SMYD3: variants seen among roughly 807,000 people sequenced by gnomAD.
SMYD3 encodes SET and MYND domain containing 3.
Under a neutral mutation model 57.7 loss-of-function variants are expected in SMYD3, and 36 were observed. The ratio of observed to expected loss-of-function variants is 0.62; its 90% CI spans 0.48 to 0.82. SMYD3 has a LOEUF of 0.82. SMYD3 is among the 40% of genes least tolerant of loss of function. SMYD3 has a pLI of 0.00. For missense variants in SMYD3, 515 were observed against 538.8 expected, an observed-to-expected ratio of 0.96 and a Z score of 0.44; for synonymous variants, 211 against 195.0, an observed-to-expected ratio of 1.08 and a Z score of -0.68.
At chr1:246,424,744 A>G (rs1161912199) in intron 1 of SMYD3, among the ~76,000 whole-genome samples, 1 of 152,224 alleles carries the variant, frequency 6.6e-6, no homozygotes, top group Non-Finnish European at 1.5e-5. Context: ...GACATCGCCA[A>G]ATAAAAATAG....
intron 5 of SMYD3, among the ~76,000 whole-genome samples, chr1:246,039,184 C>T (rs764349946): frequency 1.3e-5 from 2 of 152,136 alleles, no homozygotes; most frequent in Non-Finnish European, 2.9e-5. Context: ...TGTGTAATAA[C>T]AATTTAAAAT....
chr1:246,106,243 G>A (rs942895880), intron 5 of SMYD3, among the ~76,000 whole-genome samples: 41 of 152,170 alleles, frequency 2.7e-4, no homozygotes. Flanking sequence ...CTTTGCAACA[G>A]GAGAATCCTC....
At chr1:245,995,600 CAG>C (rs1384458842) in intron 5 of SMYD3, among the ~76,000 whole-genome samples, 3 of 152,200 alleles carry the variant, frequency 2.0e-5, no homozygotes, top group Non-Finnish European at 4.4e-5. Flanking sequence ...CTCAGTGCCT[CAG>C]GGGAGGCATG....
chr1:245,960,687 A>G (rs1363417430), intron 5 of SMYD3, among the ~76,000 whole-genome samples: 4 of 152,074 alleles, frequency 2.6e-5, no homozygotes, highest in Non-Finnish European at 5.9e-5. Context: ...AGACCATGCC[A>G]CTGCACTCCA....
chr1:246,256,791 G>A (rs1309083308), intron 5 of SMYD3, among the ~76,000 whole-genome samples: 2 of 151,994 alleles, frequency 1.3e-5, no homozygotes, highest in Non-Finnish European at 2.9e-5. Flanking sequence ...CTAACTTCCT[G>A]CGGTAGGTAT....
Position 246,402,373 on chromosome 1 carries a change from C to T in SMYD3, c.165-47279G>A, listed in dbSNP as rs1434741586. On this transcript the variant is annotated intron_variant, in intron 1 of 11. Coordinates refer to ENST00000490107, the MANE Select transcript of SMYD3 (RefSeq NM_001167740.2). ...CTCGATCAGCTAAAATGATTAACAA[C>T]GCCATCTTAAAGATGATCCCATATC... Among the ~76,000 whole-genome samples the T allele has an allele frequency of 2.0e-5, 3 of 151,468 alleles. 1 individual carries two copies. The highest frequency in any genetic ancestry group is 7.3e-5 in the African/African-American group (3 of 41,378).
chr1:245,939,956 G>C (rs747676353), intron 5 of SMYD3, among the ~76,000 whole-genome samples: 1 of 152,186 alleles, frequency 6.6e-6, no homozygotes, highest in African/African-American at 2.4e-5. Flanking sequence ...GGCTCCAGTC[G>C]GTGCCGGGGA....
intron 1 of SMYD3, among the ~76,000 whole-genome samples, chr1:246,475,488 C>CA (rs971320565): frequency 1.3e-4 from 19 of 150,328 alleles, no homozygotes; most frequent in African/African-American, 3.2e-4. Context: ...ACTAAAAATA[C>CA]AAAAAAAAAT....
chr1:245,940,927 T>C (rs558611336), intron 5 of SMYD3, among the ~76,000 whole-genome samples: 24 of 152,186 alleles, frequency 1.6e-4, no homozygotes, highest in Middle Eastern at 3.4e-3. Context: ...TGATAAAACA[T>C]TACAGGAGCT....
At chr1:246,079,168 T>C (rs1239103734) in intron 5 of SMYD3, among the ~76,000 whole-genome samples, 1 of 152,186 alleles carries the variant, frequency 6.6e-6, no homozygotes, top group Admixed American at 6.5e-5. Context: ...ATTTTGGAAC[T>C]AGATGGCACA....
At position 246,396,080 on chromosome 1, in the gene SMYD3, T is replaced by C. The variant is rs77159942; in HGVS notation, c.165-40986A>G. On this transcript the variant is annotated intron_variant, in intron 1 of 11. Transcript: ENST00000490107. ...ACTTGGTCAAGAGCCTTTATGAGAG[T>C]GAGGGTCACTATATCTCATCATGTA... is the stretch of plus-strand genomic sequence containing the variant. Among the ~76,000 whole-genome samples the C allele has an allele frequency of 8.4e-3, 1,279 of 151,914 alleles. 20 individuals are homozygous for C. Among genetic ancestry groups the C allele is most frequent in the African/African-American group, 0.029 (1,194 of 41,404 alleles).
intron 5 of SMYD3, among the ~76,000 whole-genome samples, chr1:246,205,601 C>T (rs1319585163): frequency 6.6e-6 from 1 of 151,700 alleles, no homozygotes; most frequent in Non-Finnish European, 1.5e-5. Flanking sequence ...GCAGACAGAT[C>T]GTGAGGTCAG....
At chr1:245,753,433 G>C (rs1224336698) in intron 11 of SMYD3, among the ~76,000 whole-genome samples, 1 of 152,222 alleles carries the variant, frequency 6.6e-6, no homozygotes, top group Non-Finnish European at 1.5e-5. Context: ...GTGACTGTGT[G>C]TGCGGATGTG....
intron 7 of SMYD3, 77 bp from the exon 8 acceptor site, chr1:245,915,717 T>C: frequency 1.1e-6 from 1 of 933,252 alleles, no homozygotes; most frequent in Non-Finnish European, 1.6e-6. Flanking sequence ...TTATTATTGC[T>C]AATTATTGGA....
chr1:245,808,826 G>C (rs977824901), intron 10 of SMYD3, among the ~76,000 whole-genome samples: 4 of 151,950 alleles, frequency 2.6e-5, no homozygotes, highest in Non-Finnish European at 5.9e-5. Context: ...GCAATGGCAC[G>C]ATCTCAGCTC....
chr1:246,333,747 G>C (rs563894682), intron 3 of SMYD3, among the ~76,000 whole-genome samples: 1 of 151,984 alleles, frequency 6.6e-6, no homozygotes, highest in Admixed American at 6.6e-5. Flanking sequence ...CTAGCGGGGC[G>C]TGGTGGCATG....
chr1:245,946,447 C>CA (rs890829672), intron 5 of SMYD3, among the ~76,000 whole-genome samples: 83 of 152,164 alleles, frequency 5.5e-4, no homozygotes, highest in African/African-American at 1.9e-3. Context: ...CCACGCCACT[C>CA]ACGCCTCAAA....
intron 2 of SMYD3, 81 bp downstream of exon 2, chr1:246,354,950 C>G (rs1456610930): frequency 1.6e-6 from 2 of 1,268,016 alleles, no homozygotes; most frequent in Non-Finnish European, 2.3e-6. Flanking sequence ...GAAGTAGACA[C>G]AGGCCAACAG....
chr1:246,320,328 C>T (rs1017667333), intron 5 of SMYD3, among the ~76,000 whole-genome samples: 7 of 152,050 alleles, frequency 4.6e-5, no homozygotes, highest in Non-Finnish European at 5.9e-5. Context: ...AAGCAAGCTC[C>T]GGAGGTCACA....
Sources: allele counts gnomAD v4.1 joint callset (sites outside exome capture counted in the v4.1 genomes callset), GRCh38; gene constraint gnomAD v4.1.1; transcripts MANE v1.5; gene names NCBI Gene and HGNC (gene_info 2026-07-23, HGNC 2026-07-21).